PSMG2: variants seen among roughly 807,000 people sequenced by gnomAD.
PSMG2 encodes the protein CD40 ligand-activated specific transcript 3.
PSMG2 carries 21 observed loss-of-function variants against 31.5 expected under a neutral mutation model. The ratio of observed to expected loss-of-function variants is 0.67; its 90% CI spans 0.47 to 0.96. The LOEUF is 0.96. Among genes scored for constraint, PSMG2 ranks in the 40% least tolerant of loss-of-function variants. The probability of loss-of-function intolerance (pLI) is 0.00; values close to 1 mark genes in which losing one functional copy is unlikely to be tolerated. For missense variants in PSMG2, 318 were observed against 321.2 expected (o/e 0.99, Z 0.08); for synonymous variants, 120 against 110.4 (o/e 1.09, Z -0.54).
intron 1 of PSMG2, among the ~76,000 whole-genome samples, chr18:12,692,880 C>G (rs1568027608): frequency 6.6e-6 from 1 of 152,182 alleles, no homozygotes; most frequent in African/African-American, 2.4e-5. Flanking sequence ...TGGAGTGCTA[C>G]TGCATGATCA....
intron 1 of PSMG2, among the ~76,000 whole-genome samples, chr18:12,696,073 C>T (rs1442176757): frequency 6.6e-6 from 1 of 152,088 alleles, no homozygotes; most frequent in African/African-American, 2.4e-5. Context: ...GTTTCCAGGT[C>T]ACTGCTACGA....
At chr18:12,686,151 C>T (rs2039533409) in intron 1 of PSMG2, 3 of 770,876 alleles carry the variant, frequency 3.9e-6, no homozygotes, top group Admixed American at 6.3e-5. Context: ...CCTGTGGGTA[C>T]AGAGGGTTGA....
intron 2 of PSMG2, among the ~76,000 whole-genome samples, chr18:12,710,054 C>T (rs1330088584): frequency 7.3e-5 from 11 of 151,564 alleles, no homozygotes; most frequent in African/African-American, 9.7e-5. Context: ...GCCATTCTTC[C>T]GCCTCAGCCT....
intron 1 of PSMG2, chr18:12,680,848 G>A (rs1336283541): frequency 1.3e-6 from 2 of 1,591,462 alleles, no homozygotes; most frequent in Admixed American, 1.8e-5. Context: ...AAATTAAAAT[G>A]AAGTATTCAT....
chr18:12,725,618 G>A lies in PSMG2; in HGVS notation c.*87G>A. 9 of 917,142 alleles carry A rather than the reference G, an allele frequency of 9.8e-6. No individual in the cohort carries two copies. The South Asian group carries it at 1.2e-4, about 12-fold the overall frequency. The allele number at this position is 917,142 out of a possible 1,614,324, so 56.8% of individuals were successfully genotyped here. A position where few individuals can be genotyped will look rare whatever the true frequency, so the allele number is the denominator to read the frequency against. On this transcript the variant is annotated 3_prime_UTR_variant, in exon 7 of 7. Transcript: ENST00000317615. Reference sequence around the variant, plus strand: ...TCTATACAAAAAAATTGTATGATCTGGTATTAGGAAATTACTTTCACAGTA... The same window carrying A: ...TCTATACAAAAAAATTGTATGATCTAGTATTAGGAAATTACTTTCACAGTA...
chr18:12,717,881 T>G lies in PSMG2; in HGVS notation c.289-636T>G, dbSNP rs928527489. On this transcript the variant is annotated intron_variant, in intron 3 of 6. Coordinates refer to ENST00000317615, the MANE Select transcript of PSMG2 (RefSeq NM_020232.5). ...GGCAAGAACCCTTCACAGATGACCA[T>G]GTATTGGTTATTAGGTAACAATAGA... Among the ~76,000 whole-genome samples, 3 of 152,222 alleles carry G rather than the reference T, an allele frequency of 2.0e-5. No individual in the cohort carries two copies. In the East Asian group the frequency reaches 5.8e-4, roughly 29 times the overall value.
chr18:12,682,651 C>G (rs553920813), intron 1 of PSMG2, among the ~76,000 whole-genome samples: 2 of 151,336 alleles, frequency 1.3e-5, no homozygotes, highest in African/African-American at 4.8e-5. Context: ...TTTTTTGAGA[C>G]AGAGTCTCGC....
intron 1 of PSMG2, chr18:12,661,905 C>T (rs1286511359): frequency 5.6e-6 from 1 of 178,722 alleles, no homozygotes; most frequent in Non-Finnish European, 1.2e-5. Flanking sequence ...CTCAAATCAA[C>T]ATTTAAATGT....
rs1423266855 is a variant in PSMG2, at chr18:12,662,102, A to C, written c.-37+3329A>C. The C allele has an allele frequency of 1.6e-5, 7 of 434,620 alleles. No homozygotes were observed. In the East Asian group the frequency reaches 5.0e-4, roughly 31 times the overall value. 26.9% of individuals were successfully genotyped at this position (434,620 alleles called of 1,614,324 possible). ...TGCTGCTCTGAGTCTTTCAGGGAGC[A>C]CCATCACTGTGCAGCCCAAGCTTTT... On this transcript the variant is annotated intron_variant, in intron 1 of 6. Coordinates refer to the PSMG2 transcript ENST00000585331.
At chr18:12,702,566 C>A, upstream of PSMG2, 1 of 1,589,388 alleles carries the variant, frequency 6.3e-7, no homozygotes, top group Non-Finnish European at 8.6e-7. Flanking sequence ...GCCGGCGTCT[C>A]CCCGCCGCTT....
chr18:12,715,889 A>G (rs962860608), intron 3 of PSMG2, among the ~76,000 whole-genome samples: 1 of 152,248 alleles, frequency 6.6e-6, no homozygotes, highest in Non-Finnish European at 1.5e-5. Flanking sequence ...ATTTTCATGC[A>G]GTAAACCCTC....
intron 1 of PSMG2, among the ~76,000 whole-genome samples, chr18:12,673,956 TC>T (rs1160658995): frequency 6.6e-6 from 1 of 152,200 alleles, no homozygotes; most frequent in African/African-American, 2.4e-5. Context: ...GTCAAGCTAT[TC>T]AAATTATAGA....
intron 1 of PSMG2, among the ~76,000 whole-genome samples, chr18:12,672,411 G>A (rs1162264890): frequency 6.6e-6 from 1 of 152,058 alleles, no homozygotes; most frequent in Non-Finnish European, 1.5e-5. Flanking sequence ...CCACTACGCC[G>A]AGCCTTACAA....
In PSMG2 at chr18:12,690,581, G is replaced by A. The variant is rs372200732; in HGVS notation, c.-36-15969G>A. 3.4e-3 allele frequency among the ~76,000 whole-genome samples: 510 copies of A among 151,854 alleles called. 4 individuals carry two copies. Among genetic ancestry groups the A allele is most frequent in the African/African-American group, 0.011 (474 of 41,456 alleles). Reference sequence around the variant, plus strand: ...CGCCATTCTCCTGCCTCAGCCTCCCGAGTAGCTGCGACTATAGGAGCCCGC... The same window carrying A: ...CGCCATTCTCCTGCCTCAGCCTCCCAAGTAGCTGCGACTATAGGAGCCCGC... On this transcript the variant is annotated intron_variant, in intron 1 of 6. Coordinates refer to the PSMG2 transcript ENST00000585331.
intron 1 of PSMG2, among the ~76,000 whole-genome samples, chr18:12,704,510 G>A (rs959697406): frequency 6.6e-6 from 1 of 152,074 alleles, no homozygotes; most frequent in Non-Finnish European, 1.5e-5. Context: ...GATCACTTGA[G>A]CCCAGGAAGC....
chr18:12,693,543 G>C (rs992902456), intron 1 of PSMG2, among the ~76,000 whole-genome samples: 14 of 152,170 alleles, frequency 9.2e-5, no homozygotes, highest in Non-Finnish European at 1.8e-4. Context: ...ATACCACTTT[G>C]GGAGGCCGAG....
At chr18:12,692,153 T>A (rs2039787213) in intron 1 of PSMG2, 1 of 151,772 alleles carries the variant, frequency 6.6e-6, no homozygotes, top group Non-Finnish European at 1.5e-5. Flanking sequence ...CCATCTCAAC[T>A]AAAAATACAA....
chr18:12,680,148 A>G (rs1049621302), intron 1 of PSMG2, among the ~76,000 whole-genome samples: 7 of 152,142 alleles, frequency 4.6e-5, no homozygotes, highest in Admixed American at 4.6e-4. Flanking sequence ...TTGGTAAAGA[A>G]TATTTGAGGT....
Position 12,710,165 on chromosome 18 carries a change from A to G in PSMG2, c.230-2537A>G, listed in dbSNP as rs374618926. Among the ~76,000 whole-genome samples the G allele has an allele frequency of 4.1e-5, 6 of 147,516 alleles. No homozygotes were observed. The South Asian group carries it at 8.7e-4, about 21-fold the overall frequency. On this transcript the variant is annotated intron_variant, in intron 2 of 6. Transcript: ENST00000317615. ...CACTGTGTTAGCCAGGATGGTCTCCATCTGCTGACCTCATGATCTGCCCGC... is the reference window on the plus strand; with the variant it reads ...CACTGTGTTAGCCAGGATGGTCTCCGTCTGCTGACCTCATGATCTGCCCGC...
Sources: gnomAD v4.1 joint callset for allele counts (sites outside exome capture counted in the v4.1 genomes callset) on GRCh38, gnomAD v4.1.1 for gene constraint, MANE v1.5 for transcripts, NCBI Gene and HGNC (gene_info 2026-07-23, HGNC 2026-07-21) for gene names.